NCAM1: variants seen among roughly 807,000 people sequenced by gnomAD.
NCAM1 encodes the protein neural cell adhesion molecule 1, also known as antigen recognized by monoclonal antibody 5.1H11.
In NCAM1, 14 loss-of-function variants were observed where a neutral mutation model predicts 109.8. That is an observed-to-expected ratio of 0.13 (90% confidence interval 0.08 to 0.20). The LOEUF (loss-of-function observed/expected upper bound fraction) is 0.20. NCAM1 is among the 10% of genes least tolerant of loss of function. NCAM1 has a pLI of 1.00. For synonymous variants in NCAM1, 418 were observed against 442.9 expected, an observed-to-expected ratio of 0.94 and a Z score of 0.70; for missense variants, 774 against 1,109.9, an observed-to-expected ratio of 0.70 and a Z score of 4.30.
chr11:113,070,710 C>T (rs1555085161), intron 1 of NCAM1, among the ~76,000 whole-genome samples: 1 of 152,120 alleles, frequency 6.6e-6, no homozygotes, highest in Non-Finnish European at 1.5e-5. Context: ...AGCTGGGAAG[C>T]AGGCCTGGAA....
chr11:113,076,312 G>A (rs542668577), intron 1 of NCAM1, among the ~76,000 whole-genome samples: 46 of 152,286 alleles, frequency 3.0e-4, no homozygotes, highest in African/African-American at 9.4e-4. Context: ...AAACACACTC[G>A]CATTTGTCCA....
At chr11:113,135,787 G>A (rs1555099280) in intron 1 of NCAM1, among the ~76,000 whole-genome samples, 1 of 152,192 alleles carries the variant, frequency 6.6e-6, no homozygotes, top group East Asian at 1.9e-4. Flanking sequence ...CTGAGAAAGC[G>A]AGGGCCAGCT....
At position 113,226,662 on chromosome 11, in the gene NCAM1, T is replaced by C. The variant is rs1221762846; in HGVS notation, c.1090-4983T>C. On this transcript the variant is annotated intron_variant, in intron 9 of 19. Transcript: ENST00000316851. ...GCACCACACCGCACTTGTTCCAAAATTGACCACATAGTTGGAAGTAAAGCA... is the reference window on the plus strand; with the variant it reads ...GCACCACACCGCACTTGTTCCAAAACTGACCACATAGTTGGAAGTAAAGCA... Among the ~76,000 whole-genome samples the C allele has an allele frequency of 2.6e-5, 4 of 152,282 alleles. No individual in the cohort carries two copies. In the East Asian group the frequency reaches 5.8e-4, roughly 22 times the overall value.
chr11:113,155,071 G>A (rs577784747), intron 1 of NCAM1, among the ~76,000 whole-genome samples: 41 of 152,136 alleles, frequency 2.7e-4, no homozygotes, highest in African/African-American at 9.2e-4. Context: ...TGCATAGAAC[G>A]AAAAGATGCA....
chr11:113,239,124 G>A (rs1270250052), intron 14 of NCAM1, among the ~76,000 whole-genome samples: 2 of 152,208 alleles, frequency 1.3e-5, no homozygotes, highest in Non-Finnish European at 2.9e-5. Flanking sequence ...CTGCCAGTTA[G>A]TAAGCATGGC....
intron 17 of NCAM1, among the ~76,000 whole-genome samples, chr11:113,268,606 G>A (rs938370261): frequency 6.6e-6 from 1 of 152,222 alleles, no homozygotes. Context: ...GACCAGTGGA[G>A]AGGGACAGCC....
Position 113,206,297 on chromosome 11 carries a change from C to T in NCAM1, c.628+117C>T, listed in dbSNP as rs569118462. ...TAAATCCTGTCCTGACTCAATCATCCGTCTGAGCTAAATCCCCTCCCCACC... is the reference window on the plus strand; with the variant it reads ...TAAATCCTGTCCTGACTCAATCATCTGTCTGAGCTAAATCCCCTCCCCACC... On this transcript the variant is annotated intron_variant, in intron 5 of 19. Coordinates refer to ENST00000316851, the MANE Select transcript of NCAM1 (RefSeq NM_181351.5). The T allele has an allele frequency of 6.5e-4, 729 of 1,122,348 alleles. 4 individuals are homozygous for T. In the South Asian group the frequency reaches 8.4e-3, roughly 13 times the overall value. 69.5% of individuals were successfully genotyped at this position (1,122,348 alleles called of 1,614,324 possible).
At chr11:113,104,207 T>TGGGGGGGGGGGGGGGGGGGGGGGGG (rs1345382907) in intron 1 of NCAM1, among the ~76,000 whole-genome samples, 2 of 19,274 alleles carry the variant, frequency 1.0e-4, no homozygotes, top group African/African-American at 2.2e-4. Context: ...GGAGGTGGGG[T>TGGGGGGGGGGGGGGGGGGGGGGGGG]GGGGGGGGGG....
chr11:113,177,032 C>G (rs917393431), intron 1 of NCAM1, among the ~76,000 whole-genome samples: 1 of 152,214 alleles, frequency 6.6e-6, no homozygotes, highest in Non-Finnish European at 1.5e-5. Context: ...TTCATCTTCT[C>G]CAAACTCCTC....
chr11:113,272,901 T>C (rs1555125767), intron 19 of NCAM1: 1 of 456,670 alleles, frequency 2.2e-6, no homozygotes. Flanking sequence ...AGCTTCATTG[T>C]CTATTCTCTT....
At chr11:113,162,399 G>A (rs1355193023) in intron 1 of NCAM1, among the ~76,000 whole-genome samples, 1 of 152,126 alleles carries the variant, frequency 6.6e-6, no homozygotes, top group Non-Finnish European at 1.5e-5. Context: ...GCATAATGAA[G>A]CTGCCCTTGC....
chr11:113,165,663 G>A (rs1555105151), intron 1 of NCAM1, among the ~76,000 whole-genome samples: 1 of 152,058 alleles, frequency 6.6e-6, no homozygotes, highest in African/African-American at 2.4e-5. Flanking sequence ...ATGCCTGAGT[G>A]AAGAAACCTC....
chr11:113,219,582 C>T (rs892449032), intron 8 of NCAM1, among the ~76,000 whole-genome samples: 5 of 152,206 alleles, frequency 3.3e-5, no homozygotes, highest in African/African-American at 1.2e-4. Context: ...GTCACACATT[C>T]ACCAAATTGT....
chr11:113,071,448 C>T (rs1448338965), intron 1 of NCAM1, among the ~76,000 whole-genome samples: 11 of 124,264 alleles, frequency 8.9e-5, no homozygotes, highest in Admixed American at 3.8e-4. Context: ...TTTTTTGATA[C>T]GGAGTCTCGC....
intron 17 of NCAM1, chr11:113,269,692 A>C (rs111918271): frequency 0.015 from 2,848 of 190,094 alleles, 61 homozygotes; most frequent in African/African-American, 0.052. Flanking sequence ...TGGGGATGCT[A>C]TTGTGATGGA....
chr11:113,045,499 C>T (rs1323099956), intron 1 of NCAM1, among the ~76,000 whole-genome samples: 2 of 152,180 alleles, frequency 1.3e-5, no homozygotes, highest in Non-Finnish European at 2.9e-5. Context: ...CCTAAAACAG[C>T]CCTCTGGGAA....
At chr11:113,072,724 TAG>T (rs1419359038) in intron 1 of NCAM1, among the ~76,000 whole-genome samples, 5 of 77,294 alleles carry the variant, frequency 6.5e-5, no homozygotes, top group Admixed American at 3.6e-4. Flanking sequence ...GCTATGTTGC[TAG>T]AGTCATCTTT....
At chr11:113,000,584 T>C (rs1349724006) in intron 1 of NCAM1, among the ~76,000 whole-genome samples, 1 of 151,940 alleles carries the variant, frequency 6.6e-6, no homozygotes, top group Non-Finnish European at 1.5e-5. Flanking sequence ...TGAAGAGATA[T>C]AATACATGAC....
At position 113,274,149 on chromosome 11, in the gene NCAM1, G is replaced by A. The variant is rs1555126102; in HGVS notation, c.2457-1118G>A. Among the ~76,000 whole-genome samples, 2 of 152,176 alleles carry A rather than the reference G, an allele frequency of 1.3e-5. No homozygotes were observed. Among genetic ancestry groups the A allele is most frequent in the African/African-American group, 4.8e-5 (2 of 41,440 alleles). ...GCTGAGTCCCTACCAGAAAGGCACT[G>A]ATGTGCAGGAAGAAAAGAGGTAGGC... On this transcript the variant is annotated intron_variant, in intron 19 of 19. Coordinates refer to ENST00000316851, the MANE Select transcript of NCAM1 (RefSeq NM_181351.5). This position sits in a 1 kb window ranked among gnomAD's most constrained non-coding sequence, Gnocchi z 4.1.
Sources: gnomAD v4.1 joint callset for allele counts (sites outside exome capture counted in the v4.1 genomes callset) on GRCh38, gnomAD v4.1.1 for gene constraint, Gnocchi (gnomAD v3.1) non-coding constraint, MANE v1.5 for transcripts, NCBI Gene and HGNC (gene_info 2026-07-23, HGNC 2026-07-21) for gene names.